Variants in SMYD3 observed in about 807,000 individuals in gnomAD.
SMYD3 encodes histone-lysine N-methyltransferase SMYD3.
Under a neutral mutation model 57.7 loss-of-function variants are expected in SMYD3, and 36 were observed. That is an observed-to-expected ratio of 0.62 (90% confidence interval 0.48 to 0.82). The LOEUF is 0.82. Among genes scored for constraint, SMYD3 ranks in the 40% least tolerant of loss-of-function variants. The pLI is 0.00. For missense variants in SMYD3, 515 were observed against 538.8 expected, an observed-to-expected ratio of 0.96 and a Z score of 0.44; for synonymous variants, 211 against 195.0, an observed-to-expected ratio of 1.08 and a Z score of -0.68.
intron 5 of SMYD3, among the ~76,000 whole-genome samples, chr1:246,116,845 G>A (rs1478972688): frequency 1.3e-5 from 2 of 152,070 alleles, no homozygotes; most frequent in East Asian, 1.9e-4. Context: ...TTCAACAAAC[G>A]GGAAAATTTT....
chr1:246,376,439 A>G (rs1307360041), intron 1 of SMYD3, among the ~76,000 whole-genome samples: 1 of 151,612 alleles, frequency 6.6e-6, no homozygotes, highest in East Asian at 2.0e-4. Flanking sequence ...AAAAATACAA[A>G]AATTAGCCAG....
At chr1:246,398,707 C>T (rs141362961) in intron 1 of SMYD3, among the ~76,000 whole-genome samples, 1 of 152,242 alleles carries the variant, frequency 6.6e-6, no homozygotes, top group East Asian at 1.9e-4. Flanking sequence ...TTAGTCAGAT[C>T]AGCAGGAGCC....
At chr1:246,347,989 C>T (rs12048894) in intron 2 of SMYD3, among the ~76,000 whole-genome samples, 21,460 of 146,966 alleles carry the variant, frequency 0.15, 2,193 homozygotes, top group East Asian at 0.43. Context: ...TCTCTCCCTG[C>T]GCTGTTCACA....
chr1:245,905,007 G>A (rs922458257), intron 8 of SMYD3, among the ~76,000 whole-genome samples: 10 of 151,760 alleles, frequency 6.6e-5, no homozygotes, highest in East Asian at 3.9e-4. Context: ...AAGGGAAGCC[G>A]CTGCCTTGAA....
At chr1:246,313,860 T>A (rs75199722) in intron 5 of SMYD3, among the ~76,000 whole-genome samples, 10,329 of 152,202 alleles carry the variant, frequency 0.068, 536 homozygotes, top group African/African-American at 0.13. Context: ...ATCTATAGAA[T>A]CATAGGGAAA....
chr1:245,942,254 C>T (rs868410274), intron 5 of SMYD3, among the ~76,000 whole-genome samples: 6 of 152,170 alleles, frequency 3.9e-5, no homozygotes, highest in Middle Eastern at 3.4e-3. Context: ...CAAAGACACA[C>T]GCAGGCTCAA....
At chr1:246,316,743 C>T (rs1255844503) in intron 5 of SMYD3, among the ~76,000 whole-genome samples, 1 of 148,972 alleles carries the variant, frequency 6.7e-6, no homozygotes, top group Non-Finnish European at 1.5e-5. Flanking sequence ...TGCCTGTAAT[C>T]CCAGCACTTT....
intron 1 of SMYD3, among the ~76,000 whole-genome samples, chr1:246,377,194 A>G (rs546769650): frequency 1.3e-5 from 2 of 152,302 alleles, no homozygotes; most frequent in East Asian, 1.9e-4. Flanking sequence ...CAAAACAAAA[A>G]TAAGTTAGTG....
chr1:245,893,287 T>C (rs961575394), intron 8 of SMYD3, among the ~76,000 whole-genome samples: 4 of 152,294 alleles, frequency 2.6e-5, no homozygotes, highest in African/African-American at 9.6e-5. Context: ...AGGGGCTGCT[T>C]TGAAAAAAAG....
At chr1:246,245,289 A>C (rs538829407) in intron 5 of SMYD3, among the ~76,000 whole-genome samples, 1 of 152,224 alleles carries the variant, frequency 6.6e-6, no homozygotes, top group African/African-American at 2.4e-5. Flanking sequence ...GTAAAAACAC[A>C]AACATTAGCT....
At chr1:246,132,287 T>G (rs1392325494) in intron 5 of SMYD3, among the ~76,000 whole-genome samples, 1 of 152,096 alleles carries the variant, frequency 6.6e-6, no homozygotes, top group Non-Finnish European at 1.5e-5. Flanking sequence ...GGTTCTGAAT[T>G]TATGTTTTTA....
chr1:246,300,303 G>C (rs1265130286), intron 5 of SMYD3, among the ~76,000 whole-genome samples: 7 of 152,124 alleles, frequency 4.6e-5, no homozygotes, highest in Admixed American at 1.3e-4. Flanking sequence ...TAGCACAGTT[G>C]AAAATGCACA....
intron 5 of SMYD3, among the ~76,000 whole-genome samples, chr1:246,128,060 G>T (rs2061534513): frequency 6.6e-6 from 1 of 152,072 alleles, no homozygotes; most frequent in Non-Finnish European, 1.5e-5. Flanking sequence ...TGCAGTAAGG[G>T]TAGAAATGTA....
chr1:245,880,045 G>A (rs1168924819), intron 8 of SMYD3, among the ~76,000 whole-genome samples: 2 of 151,298 alleles, frequency 1.3e-5, no homozygotes, highest in Non-Finnish European at 3.0e-5. Flanking sequence ...CAGGTGCGTT[G>A]CTGTACACGC....
chr1:246,307,168 T>C (rs2064992964), intron 5 of SMYD3, among the ~76,000 whole-genome samples: 2 of 152,192 alleles, frequency 1.3e-5, no homozygotes, highest in South Asian at 2.1e-4. Context: ...TTGCTGTATT[T>C]AGTGCTGAAT....
chr1:245,848,296 T>C (rs2050770279), intron 10 of SMYD3, among the ~76,000 whole-genome samples: 1 of 152,112 alleles, frequency 6.6e-6, no homozygotes, highest in African/African-American at 2.4e-5. Context: ...TGTGTGTGTA[T>C]TTCTTGGTAG....
intron 8 of SMYD3, among the ~76,000 whole-genome samples, chr1:245,872,280 G>A (rs576953157): frequency 3.3e-4 from 50 of 152,328 alleles, no homozygotes; most frequent in Non-Finnish European, 6.0e-4. Context: ...CCACAAGCAG[G>A]ATGTAGCAGG....
chr1:246,000,540 A>G (rs1261294915), intron 5 of SMYD3, among the ~76,000 whole-genome samples: 1 of 152,164 alleles, frequency 6.6e-6, no homozygotes, highest in East Asian at 1.9e-4. Context: ...CAAAAATGAC[A>G]CAAACCTTCT....
At chr1:246,032,181 C>G (rs953454477) in intron 5 of SMYD3, among the ~76,000 whole-genome samples, 17 of 152,278 alleles carry the variant, frequency 1.1e-4, no homozygotes, top group Non-Finnish European at 1.8e-4. Context: ...GTTGGGCAGG[C>G]AAACTGAGTT....
Sources: gnomAD v4.1 joint callset for allele counts (sites outside exome capture counted in the v4.1 genomes callset) on GRCh38, gnomAD v4.1.1 for gene constraint, MANE v1.5 for transcripts, NCBI Gene and HGNC (gene_info 2026-07-23, HGNC 2026-07-21) for gene names.